The following VAC14 variants were observed in gnomAD, a reference collection of about 807,000 sequenced individuals.
VAC14 encodes the protein VAC14 component of PIKFYVE complex, also known as protein VAC14 homolog.
Under a neutral mutation model 85.3 loss-of-function variants are expected in VAC14, and 47 were observed. The ratio of observed to expected loss-of-function variants is 0.55; its 90% CI spans 0.44 to 0.70. The LOEUF is 0.70. Ranked by LOEUF, VAC14 falls within the 30% of genes least tolerant of loss-of-function variation. The probability of loss-of-function intolerance (pLI) is 0.00; values close to 1 mark genes in which losing one functional copy is unlikely to be tolerated. For synonymous variants in VAC14, 447 were observed against 430.5 expected (o/e 1.04, Z -0.47); for missense variants, 861 against 1,004.3 (o/e 0.86, Z 1.93).
intron 14 of VAC14, among the ~76,000 whole-genome samples, chr16:70,710,656 T>C (rs1004871804): frequency 6.6e-6 from 1 of 152,232 alleles, no homozygotes; most frequent in African/African-American, 2.4e-5. Context: ...TTCCACAGTT[T>C]ACAGATGGTG....
chr16:70,769,820 C>G (rs988920684), intron 10 of VAC14: 1 of 152,286 alleles, frequency 6.6e-6, no homozygotes, highest in Non-Finnish European at 1.5e-5. Context: ...CTGCCTTCTC[C>G]TAGACCTCCC....
chr16:70,748,987 T>C lies in VAC14; in HGVS notation c.1372-4408A>G, dbSNP rs147571966. Among the ~76,000 whole-genome samples, 128 of 152,248 alleles carry C rather than the reference T, an allele frequency of 8.4e-4. No homozygotes were observed. In the Middle Eastern group the frequency reaches 0.017, roughly 20 times the overall value. On this transcript the variant is annotated intron_variant, in intron 12 of 18. Transcript: ENST00000261776. ...AAACCATAAACCAAAAAAGAGCTCA[T>C]GACACAAAGAAGTCTGAACTTCATT...
chr16:70,781,165 C>T (rs1006555005), intron 8 of VAC14, among the ~76,000 whole-genome samples: 4 of 152,106 alleles, frequency 2.6e-5, no homozygotes, highest in Non-Finnish European at 5.9e-5. Context: ...TTTCAAAAAG[C>T]CTCCCACCTC....
intron 8 of VAC14, among the ~76,000 whole-genome samples, 183 bp downstream of exon 8, chr16:70,781,686 C>T (rs1200328429): frequency 6.6e-6 from 1 of 152,130 alleles, no homozygotes; most frequent in Admixed American, 6.5e-5. Flanking sequence ...GGACAGCCAG[C>T]ATCAGCCCCG....
At chr16:70,691,559 C>G in intron 18 of VAC14, 1 of 985,502 alleles carries the variant, frequency 1.0e-6, no homozygotes, top group Non-Finnish European at 1.2e-6. Context: ...CCTGGGGACA[C>G]TGCATCAGGT....
At chr16:70,760,720 C>T (rs1168508838) in intron 12 of VAC14, among the ~76,000 whole-genome samples, 1 of 152,176 alleles carries the variant, frequency 6.6e-6, no homozygotes, top group African/African-American at 2.4e-5. Context: ...TCAATGCGCA[C>T]ACACAAAAAC....
chr16:70,700,235 G>A (rs1263080086), intron 14 of VAC14: 1 of 152,154 alleles, frequency 6.6e-6, no homozygotes, highest in Non-Finnish European at 1.5e-5. Context: ...CAAACAGTAG[G>A]CAGGCCGTTC....
chr16:70,691,273 G>C (rs2053590524), intron 18 of VAC14: 3 of 985,424 alleles, frequency 3.0e-6, no homozygotes, highest in Non-Finnish European at 3.6e-6. Flanking sequence ...CTGGCCAGGA[G>C]GACTCCCAGG....
At chr16:70,731,744 T>C (rs2143002438) in intron 13 of VAC14, 117 bp from the exon 14 acceptor site, 2 of 1,130,834 alleles carry the variant, frequency 1.8e-6, no homozygotes, top group Non-Finnish European at 2.4e-6. Flanking sequence ...GGGGGTGTTA[T>C]AACAAGATGA....
Position 70,780,856 on chromosome 16 carries a change from G to A in VAC14, c.1030C>T (p.Pro344Ser), listed in dbSNP as rs1374283961. ...GTGGGCTCTGCCTGCCTCTGCCCAGGTCTCAGCTCATCCAGCTCGTCGTCC... is the reference window on the plus strand; with the variant it reads ...GTGGGCTCTGCCTGCCTCTGCCCAGATCTCAGCTCATCCAGCTCGTCGTCC... The part of the protein sequence containing the change: ...PEDDELDELR[P>S]GQRQAEPTPD... Residue 344 changes from proline (P) to serine (S), a missense_variant, in exon 9 of 19, where the codon CCT (proline) becomes TCT (serine). Pro to Ser is a moderately conservative substitution (Grantham distance 74, BLOSUM62 -1). Coordinates refer to ENST00000261776, the MANE Select transcript of VAC14 (RefSeq NM_018052.5). 2 of 1,614,110 alleles carry A rather than the reference G, an allele frequency of 1.2e-6. No homozygotes were observed. Among genetic ancestry groups the A allele is most frequent in the Non-Finnish European group, 1.7e-6 (2 of 1,180,014 alleles).
At chr16:70,766,546 T>C (rs1248911915) in intron 10 of VAC14, 1 of 456,720 alleles carries the variant, frequency 2.2e-6, no homozygotes, top group Non-Finnish European at 4.4e-6. Flanking sequence ...AAAAGGAACC[T>C]CATGGTTCAG....
At chr16:70,689,115 C>G (rs1005990283) in intron 18 of VAC14, 2 of 983,220 alleles carry the variant, frequency 2.0e-6, no homozygotes, top group Non-Finnish European at 2.4e-6. Flanking sequence ...CTAGACAGAC[C>G]TGGACCCAAC....
At chr16:70,743,148 C>T (rs895384777) in intron 13 of VAC14, among the ~76,000 whole-genome samples, 1 of 151,922 alleles carries the variant, frequency 6.6e-6, no homozygotes, top group African/African-American at 2.4e-5. Flanking sequence ...CACCAATCAG[C>T]ACTCTGTAAA....
intron 14 of VAC14, among the ~76,000 whole-genome samples, chr16:70,713,299 C>T (rs1382647664): frequency 6.6e-6 from 1 of 152,222 alleles, no homozygotes; most frequent in Non-Finnish European, 1.5e-5. Context: ...CTACCGTGCG[C>T]GAACAGCCTG....
chr16:70,743,492 A>G (rs772629207), intron 13 of VAC14, among the ~76,000 whole-genome samples: 5 of 152,190 alleles, frequency 3.3e-5, no homozygotes, highest in Non-Finnish European at 5.9e-5. Context: ...CAGCTGTAAC[A>G]CTTGCCGCAA....
At chr16:70,692,006 T>C in intron 18 of VAC14, 1 of 984,780 alleles carries the variant, frequency 1.0e-6, no homozygotes, top group Non-Finnish European at 1.2e-6. Flanking sequence ...CGCGCTCCAT[T>C]CAGCGTAAAT....
At chr16:70,796,825 T>C (rs1298701824) in intron 1 of VAC14, among the ~76,000 whole-genome samples, 5 of 152,236 alleles carry the variant, frequency 3.3e-5, no homozygotes, top group Admixed American at 1.3e-4. Flanking sequence ...ATTGAAGTTC[T>C]GATCCACAGT....
intron 13 of VAC14, among the ~76,000 whole-genome samples, 171 bp downstream of exon 13, chr16:70,744,252 C>T (rs1210987325): frequency 6.6e-6 from 1 of 152,144 alleles, no homozygotes; most frequent in Non-Finnish European, 1.5e-5. Context: ...GGCTGCCTGC[C>T]TCTGGGCGGT....
intron 14 of VAC14, among the ~76,000 whole-genome samples, chr16:70,711,031 T>A (rs937193981): frequency 2.6e-5 from 4 of 152,206 alleles, no homozygotes; most frequent in African/African-American, 9.6e-5. Context: ...CAGCTCCACG[T>A]CCCTCAGCGG....
Sources: allele counts gnomAD v4.1 joint callset (sites outside exome capture counted in the v4.1 genomes callset), GRCh38; gene constraint gnomAD v4.1.1; transcripts MANE v1.5; gene names NCBI Gene and HGNC (gene_info 2026-07-23, HGNC 2026-07-21).